IQANK1: variants seen among roughly 807,000 people sequenced by gnomAD.
IQANK1 encodes the protein IQ motif and ankyrin repeat domain-containing protein 1.
Under a neutral mutation model 22.6 loss-of-function variants are expected in IQANK1, and 30 were observed. The ratio of observed to expected loss-of-function variants is 1.33; its 90% CI spans 0.99 to 1.80. The LOEUF (loss-of-function observed/expected upper bound fraction) is 1.80. Among genes scored for constraint, IQANK1 ranks in the 40% most tolerant of loss-of-function variants. The pLI is 0.00. For missense variants in IQANK1, 275 were observed against 235.2 expected, an observed-to-expected ratio of 1.17 and a Z score of -1.11; for synonymous variants, 122 against 99.6, an observed-to-expected ratio of 1.23 and a Z score of -1.34.
intron 7 of IQANK1, among the ~76,000 whole-genome samples, chr8:143,778,313 T>C (rs1253985526): frequency 6.6e-6 from 1 of 151,990 alleles, no homozygotes; most frequent in Non-Finnish European, 1.5e-5. Flanking sequence ...ATTAAAATGA[T>C]AAAAACAAAT....
chr8:143,739,082 G>A (rs897985882), intron 2 of IQANK1, among the ~76,000 whole-genome samples: 1 of 152,170 alleles, frequency 6.6e-6, no homozygotes, highest in East Asian at 1.9e-4. Context: ...GAGGTGGGGC[G>A]GGGGCTCTTG....
intron 3 of IQANK1, among the ~76,000 whole-genome samples, chr8:143,765,641 C>G (rs782597870): frequency 6.6e-5 from 10 of 152,142 alleles, no homozygotes; most frequent in Non-Finnish European, 1.5e-4. Flanking sequence ...TTGCAAATTT[C>G]TTTTCCAAAT....
At chr8:143,773,533 C>T (rs1819627172) in intron 7 of IQANK1, among the ~76,000 whole-genome samples, 1 of 152,070 alleles carries the variant, frequency 6.6e-6, no homozygotes, top group African/African-American at 2.4e-5. Flanking sequence ...ATTATGTTCC[C>T]CCACCCCACC....
At position 143,790,216 on chromosome 8, in the gene IQANK1, A is replaced by AC; in HGVS notation, c.1369_1370insC (p.Asn457ThrfsTer59). The AC allele has an allele frequency of 8.1e-7, 1 of 1,232,138 alleles. No individual in the cohort carries two copies. The highest frequency in any genetic ancestry group is 1.0e-6 in the Non-Finnish European group (1 of 988,002). The allele number at this position is 1,232,138 out of a possible 1,614,324, so 76.3% of individuals were successfully genotyped here. A position where few individuals can be genotyped will look rare whatever the true frequency, so the allele number is the denominator to read the frequency against. The stretch of plus-strand genomic sequence containing the variant: ...GGATACCAACTATGTGGACACGGTG[A>AC]ACCCGGAGCCCCTGAGGCCGGAGAC... On this transcript the variant is annotated frameshift_variant, in exon 13 of 14. Coordinates refer to ENST00000527139, the MANE Select transcript of IQANK1 (RefSeq NM_001381874.1). LOFTEE classifies it high-confidence loss of function.
Position 143,753,497 on chromosome 8 carries a change from A to G in IQANK1, c.175+13549A>G, listed in dbSNP as rs531518409. Reference sequence around the variant, plus strand: ...TTTTGAGACGGAGTCTCGCTGTCTCAGGCTGGAGTGCAGTGGCATGATCTC... The same window carrying G: ...TTTTGAGACGGAGTCTCGCTGTCTCGGGCTGGAGTGCAGTGGCATGATCTC... On this transcript the variant is annotated intron_variant, in intron 3 of 13. Transcript: ENST00000527139. 2.5e-3 allele frequency among the ~76,000 whole-genome samples: 356 copies of G among 140,944 alleles called. 2 individuals carry two copies. The highest frequency in any genetic ancestry group is 9.3e-3 in the African/African-American group (344 of 37,078). 92.5% of individuals were successfully genotyped at this position (140,944 alleles called of 152,430 possible).
chr8:143,786,425 A>G lies in IQANK1; in HGVS notation c.790-2490A>G, dbSNP rs537854514. Among the ~76,000 whole-genome samples the G allele has an allele frequency of 4.6e-5, 7 of 152,332 alleles. No individual in the cohort carries two copies. In the East Asian group the frequency reaches 1.3e-3, roughly 29 times the overall value. ...TCACCCACCCACGTTTATATTTGCA[A>G]ATTTATATTTACAAATATAGACAGA... On this transcript the variant is annotated intron_variant, in intron 7 of 13. Transcript: ENST00000527139.
intron 3 of IQANK1, among the ~76,000 whole-genome samples, chr8:143,770,413 G>A (rs1819550234): frequency 6.6e-6 from 1 of 152,122 alleles, no homozygotes; most frequent in African/African-American, 2.4e-5. Flanking sequence ...CCTCCTGACG[G>A]CGCCTCTCCC....
At chr8:143,773,420 G>A (rs538650097) in intron 7 of IQANK1, among the ~76,000 whole-genome samples, 2 of 152,068 alleles carry the variant, frequency 1.3e-5, no homozygotes, top group East Asian at 1.9e-4. Context: ...GGCTGACTCC[G>A]CCTGTTGGAG....
intron 7 of IQANK1, among the ~76,000 whole-genome samples, chr8:143,783,586 A>G (rs1395512014): frequency 6.6e-6 from 1 of 152,194 alleles, no homozygotes; most frequent in Non-Finnish European, 1.5e-5. Flanking sequence ...TTACTGTAGT[A>G]AATTTTATCA....
At chr8:143,761,693 G>A (rs1554628894) in intron 3 of IQANK1, among the ~76,000 whole-genome samples, 1 of 152,100 alleles carries the variant, frequency 6.6e-6, no homozygotes, top group Admixed American at 6.5e-5. Flanking sequence ...GCCCAGGGAG[G>A]TCGAGGCTGC....
intron 7 of IQANK1, among the ~76,000 whole-genome samples, chr8:143,778,287 G>C (rs1034261932): frequency 6.6e-6 from 1 of 151,912 alleles, no homozygotes; most frequent in Non-Finnish European, 1.5e-5. Context: ...AAATGTAAAA[G>C]CACAAATAGT....
At position 143,735,122 on chromosome 8, in the gene IQANK1, ACACT is replaced by A. The variant is rs1554625468; in HGVS notation, c.-4-725_-4-722del. Among the ~76,000 whole-genome samples, 1 of 152,120 alleles carries A rather than the reference ACACT, an allele frequency of 6.6e-6. No individual in the cohort carries two copies. ...CCAGTTTCATTTGTTCTTTCCCCAA[ACACT>A]CAGTGCCACCCCACTGGTACCAGCA... On this transcript the variant is annotated intron_variant, in intron 1 of 13. Coordinates refer to ENST00000527139, the MANE Select transcript of IQANK1 (RefSeq NM_001381874.1). The surrounding 1 kb of genome is among the most constrained non-coding windows in gnomAD (Gnocchi z 5.2).
intron 2 of IQANK1, among the ~76,000 whole-genome samples, chr8:143,738,130 G>A (rs566400009): frequency 6.6e-6 from 1 of 152,124 alleles, no homozygotes; most frequent in Non-Finnish European, 1.5e-5. Context: ...CCCCTGGGGT[G>A]GGGGGCGGGG....
Position 143,735,608 on chromosome 8 carries a change from G to A in IQANK1, c.-4-242G>A, listed in dbSNP as rs1563764928. Among the ~76,000 whole-genome samples, 1 of 152,134 alleles carries A rather than the reference G, an allele frequency of 6.6e-6. No homozygotes were observed. The highest frequency in any genetic ancestry group is 1.5e-5 in the Non-Finnish European group (1 of 68,002). ...GAGCCTGGGGCGGAGGGGCAGGCAA[G>A]CCACGGCCAGGGGGACGGGAGGTGG... is the stretch of plus-strand genomic sequence containing the variant. On this transcript the variant is annotated intron_variant, in intron 1 of 13. Transcript: ENST00000527139. The surrounding 1 kb of genome is among the most constrained non-coding windows in gnomAD (Gnocchi z 5.2).
At chr8:143,755,746 C>T (rs543142944) in intron 3 of IQANK1, among the ~76,000 whole-genome samples, 5 of 152,308 alleles carry the variant, frequency 3.3e-5, no homozygotes, top group East Asian at 1.9e-4. Context: ...ATCCATTCCT[C>T]CAGTGAGGAC....
In IQANK1 at chr8:143,790,364, TGG is replaced by T; in HGVS notation, c.1440_1441del (p.Phe482ArgfsTer33). The T allele has an allele frequency of 9.0e-7, 1 of 1,114,986 alleles. No homozygotes were observed. The highest frequency in any genetic ancestry group is 1.1e-6 in the Non-Finnish European group (1 of 881,534). The allele number at this position is 1,114,986 out of a possible 1,614,324, so 69.1% of individuals were successfully genotyped here. On this transcript the variant is annotated frameshift_variant, in exon 14 of 14. Transcript: ENST00000527139. LOFTEE classifies it low-confidence loss of function (END_TRUNC). ...TCATGGGGCAGGTATGGGAAGCCGC[TGG>T]TGTTCGACCTGCGAGAGGAAGACCT...
At position 143,758,803 on chromosome 8, in the gene IQANK1, G is replaced by A. The variant is rs1819338711; in HGVS notation, c.176-12685G>A. On this transcript the variant is annotated intron_variant, in intron 3 of 13. Transcript: ENST00000527139. This position sits in a 1 kb window ranked among gnomAD's most constrained non-coding sequence, Gnocchi z 4.2. ...GTTTCTTCCTTCCCCGATGGGACCA[G>A]CTGGAATTTCCAAGCTGCTTCACAG... 1 of 153,350 alleles carries A rather than the reference G, an allele frequency of 6.5e-6. No homozygotes were observed. The highest frequency in any genetic ancestry group is 2.0e-4 in the South Asian group (1 of 4,938). The allele number at this position is 153,350 out of a possible 1,614,324, so 9.5% of individuals were successfully genotyped here.
intron 3 of IQANK1, among the ~76,000 whole-genome samples, chr8:143,761,512 G>C (rs536379358): frequency 2.6e-5 from 4 of 152,338 alleles, no homozygotes; most frequent in Non-Finnish European, 5.9e-5. Flanking sequence ...ACTCACACCT[G>C]TAATCCCAGC....
In IQANK1 at chr8:143,735,983, G is replaced by A. The variant is rs1563765128; in HGVS notation, c.85+45G>A. The A allele has an allele frequency of 2.9e-6, 2 of 701,748 alleles. No individual in the cohort carries two copies. Among genetic ancestry groups the A allele is most frequent in the Non-Finnish European group, 5.2e-6 (2 of 384,412 alleles). 43.5% of individuals were successfully genotyped at this position (701,748 alleles called of 1,614,324 possible). Reference sequence around the variant, plus strand: ...TCCAGAGCACTGTCACCCAGACACTGACCTGTGAGACCTTCTATGTAGCCA... The same window carrying A: ...TCCAGAGCACTGTCACCCAGACACTAACCTGTGAGACCTTCTATGTAGCCA... On this transcript the variant is annotated intron_variant, in intron 2 of 13. Transcript: ENST00000527139. This position sits in a 1 kb window ranked among gnomAD's most constrained non-coding sequence, Gnocchi z 5.2.
Sources: allele counts gnomAD v4.1 joint callset (sites outside exome capture counted in the v4.1 genomes callset), GRCh38; gene constraint gnomAD v4.1.1; non-coding constraint Gnocchi (gnomAD v3.1); transcripts MANE v1.5; gene names NCBI Gene and HGNC (gene_info 2026-07-23, HGNC 2026-07-21).